Variants in TMCO5A observed in about 807,000 individuals in gnomAD.
The protein encoded by TMCO5A is transmembrane and coiled-coil domains 5A, also known as transmembrane and coiled-coil domain-containing protein 5A.
A neutral mutation model predicts 42.3 loss-of-function variants in TMCO5A; 34 were observed. The ratio of observed to expected loss-of-function variants is 0.80; its 90% CI spans 0.61 to 1.07. The LOEUF (loss-of-function observed/expected upper bound fraction) is 1.07. Among genes scored for constraint, TMCO5A ranks in the 50% least tolerant of loss-of-function variants. The pLI is 0.00. For missense variants in TMCO5A, 357 were observed against 327.9 expected (o/e 1.09, Z -0.69); for synonymous variants, 131 against 115.6 (o/e 1.13, Z -0.86).
At chr15:37,972,382 C>T (rs569218296), downstream of TMCO5A, among the ~76,000 whole-genome samples, 26 of 152,286 alleles carry the variant, frequency 1.7e-4, no homozygotes, top group African/African-American at 5.5e-4. Context: ...CACAGCCAAA[C>T]CATATCACAG....
the TMCO5A span, among the ~76,000 whole-genome samples, chr15:37,972,817 A>T: frequency 1.3e-5 from 2 of 150,560 alleles, no homozygotes; most frequent in Non-Finnish European, 2.9e-5. Context: ...GTTTTGTTGC[A>T]ATTGTTTTTG....
downstream of TMCO5A, among the ~76,000 whole-genome samples, chr15:37,969,377 A>C (rs751363550): frequency 1.8e-4 from 27 of 152,206 alleles, no homozygotes; most frequent in Non-Finnish European, 2.9e-4. Context: ...GCCTCAGAGA[A>C]AACCAAACCC....
chr15:37,959,966 C>T (rs185995212), intron 11 of TMCO5A, among the ~76,000 whole-genome samples: 148 of 151,898 alleles, frequency 9.7e-4, no homozygotes, highest in African/African-American at 3.5e-3. Flanking sequence ...AACTGATGAA[C>T]AAATTCAGTA....
chr15:38,019,887 T>C, the TMCO5A span, among the ~76,000 whole-genome samples: 1 of 152,058 alleles, frequency 6.6e-6, no homozygotes, highest in African/African-American at 2.4e-5. Context: ...GCACTAGCAT[T>C]ACAGGTTTGA....
the TMCO5A span, among the ~76,000 whole-genome samples, chr15:37,998,589 T>C: frequency 3.9e-5 from 6 of 152,218 alleles, no homozygotes; most frequent in African/African-American, 1.4e-4. Flanking sequence ...TCATATAGTT[T>C]GGTTACTATA....
the TMCO5A span, among the ~76,000 whole-genome samples, chr15:38,026,766 G>T: frequency 6.6e-6 from 1 of 152,306 alleles, no homozygotes; most frequent in South Asian, 2.1e-4. Flanking sequence ...CATGCTGTGT[G>T]CAGCCTAGGG....
rs1244651398 is a variant in TMCO5A at position 37,966,595 on chromosome 15, G to C, written c.669-30G>C. The C allele has an allele frequency of 1.3e-5, 9 of 702,676 alleles. No individual in the cohort carries two copies. The East Asian group carries it at 2.4e-4, about 19-fold the overall frequency. 43.5% of individuals were successfully genotyped at this position (702,676 alleles called of 1,614,324 possible). On this transcript the variant is annotated intron_variant, in intron 11 of 11. Coordinates refer to the TMCO5A transcript ENST00000559502. ...CAAGAAACCTCAAAACAATGTCTTG[G>C]GACATCATTTCTTTTTCTTCTCTCT...
the TMCO5A span, among the ~76,000 whole-genome samples, chr15:38,033,179 C>T: frequency 1.1e-4 from 17 of 152,146 alleles, no homozygotes; most frequent in Admixed American, 1.0e-3. Flanking sequence ...CCACCCGCCT[C>T]GGCCTCCGAA....
the TMCO5A span, among the ~76,000 whole-genome samples, chr15:38,031,855 G>A: frequency 6.6e-6 from 1 of 152,012 alleles, no homozygotes; most frequent in Non-Finnish European, 1.5e-5. Flanking sequence ...ATAGCCCACT[G>A]CCCCTTGTGA....
chr15:37,985,761 G>GA, the TMCO5A span, among the ~76,000 whole-genome samples: 1 of 152,074 alleles, frequency 6.6e-6, no homozygotes, highest in Non-Finnish European at 1.5e-5. Flanking sequence ...CCTGTTAATT[G>GA]AAAACACTCT....
intron 10 of TMCO5A, among the ~76,000 whole-genome samples, chr15:37,945,416 GTAT>G (rs1297637689): frequency 2.6e-5 from 4 of 152,058 alleles, no homozygotes; most frequent in Non-Finnish European, 5.9e-5. Flanking sequence ...GGGTCAAATG[GTAT>G]TTCTGCCTCT....
chr15:38,010,425 TCACACACACA>T, the TMCO5A span, among the ~76,000 whole-genome samples: 5 of 117,442 alleles, frequency 4.3e-5, no homozygotes, highest in East Asian at 8.0e-4. Flanking sequence ...CAGAGGGAGA[TCACACACACA>T]CACACACACA....
At chr15:37,955,842 G>A (rs1257105163), downstream of TMCO5A, among the ~76,000 whole-genome samples, 1 of 152,034 alleles carries the variant, frequency 6.6e-6, no homozygotes, top group Admixed American at 6.6e-5. Context: ...CACATAATTG[G>A]AAGTAAAACA....
the TMCO5A span, among the ~76,000 whole-genome samples, chr15:38,012,903 A>T: frequency 6.6e-6 from 1 of 152,198 alleles, no homozygotes; most frequent in Admixed American, 6.5e-5. Flanking sequence ...GAGAAATCTA[A>T]AGATTACCTG....
At chr15:38,003,238 C>CTCTCTCTCTCTT in the TMCO5A span, among the ~76,000 whole-genome samples, 1 of 152,076 alleles carries the variant, frequency 6.6e-6, no homozygotes, top group African/African-American at 2.4e-5. Context: ...CTCTCTCTCT[C>CTCTCTCTCTCTT]TCTCTCTCTG....
chr15:38,034,149 A>C, the TMCO5A span, among the ~76,000 whole-genome samples: 1 of 152,196 alleles, frequency 6.6e-6, no homozygotes, highest in South Asian at 2.1e-4. Context: ...ATGGAAGGGC[A>C]AAAAGGGCCT....
At chr15:37,946,119 T>G (rs979544632) in intron 10 of TMCO5A, among the ~76,000 whole-genome samples, 1 of 152,192 alleles carries the variant, frequency 6.6e-6, no homozygotes, top group Admixed American at 6.5e-5. Flanking sequence ...ATTTATTGAA[T>G]AGGGAGTCCT....
the TMCO5A span, chr15:38,040,595 A>G: frequency 2.6e-5 from 4 of 152,278 alleles, no homozygotes; most frequent in Non-Finnish European, 5.9e-5. Context: ...GTATAACCAT[A>G]CAATGGAACA....
At chr15:37,948,609 G>T (rs1403229521) in intron 11 of TMCO5A, among the ~76,000 whole-genome samples, 1 of 152,052 alleles carries the variant, frequency 6.6e-6, no homozygotes, top group African/African-American at 2.4e-5. Flanking sequence ...TGACTGTGTG[G>T]ATTTCTAGAA....
Sources: gnomAD v4.1 joint callset for allele counts (sites outside exome capture counted in the v4.1 genomes callset) on GRCh38, gnomAD v4.1.1 for gene constraint, MANE v1.5 for transcripts, NCBI Gene and HGNC (gene_info 2026-07-23, HGNC 2026-07-21) for gene names.